Variants in BNC2 observed in about 807,000 individuals in gnomAD.
The protein encoded by BNC2 is basonuclin zinc finger protein 2.
Under a neutral mutation model 76.3 loss-of-function variants are expected in BNC2, and 20 were observed. The ratio of observed to expected loss-of-function variants is 0.26; its 90% confidence interval spans 0.18 to 0.38. BNC2 has a LOEUF of 0.38. Among genes scored for constraint, BNC2 ranks in the 10% least tolerant of loss-of-function variants. BNC2 has a pLI of 1.00. For missense variants in BNC2, 1,382 were observed against 1,399.8 expected (o/e 0.99, Z 0.20); for synonymous variants, 582 against 514.8 (o/e 1.13, Z -1.77).
rs1821993422 is a variant in BNC2, at chr9:16,479,227, G to GC, written c.670-41704dup. Among the ~76,000 whole-genome samples the GC allele has an allele frequency of 4.0e-5, 6 of 148,880 alleles. No homozygotes were observed. The South Asian group carries it at 1.3e-3, about 32-fold the overall frequency. Reference sequence around the variant, plus strand: ...ACTGCGCCACTGTACTCCAGCCTGGGCGACAGAACGAGACTCTGTCTCAAA... The same window carrying GC: ...ACTGCGCCACTGTACTCCAGCCTGGGCCGACAGAACGAGACTCTGTCTCAAA... On this transcript the variant is annotated intron_variant, in intron 5 of 6. Coordinates refer to ENST00000380672, the MANE Select transcript of BNC2 (RefSeq NM_017637.6).
chr9:16,650,635 T>C (rs1454559453), intron 3 of BNC2, among the ~76,000 whole-genome samples: 1 of 152,182 alleles, frequency 6.6e-6, no homozygotes, highest in Admixed American at 6.5e-5. Context: ...GTCTGACTTC[T>C]ATAAATATGT....
intron 3 of BNC2, among the ~76,000 whole-genome samples, chr9:16,590,028 G>C (rs942815125): frequency 1.3e-5 from 2 of 152,050 alleles, no homozygotes; most frequent in African/African-American, 4.8e-5. Flanking sequence ...GGAGGCTGAG[G>C]CAGGAGGATG....
intron 5 of BNC2, among the ~76,000 whole-genome samples, chr9:16,467,844 AT>A (rs1491439564): frequency 1.4e-5 from 2 of 143,904 alleles, no homozygotes; most frequent in African/African-American, 2.9e-5. Context: ...AAAAAAAAAA[AT>A]TAAAAAAAAA....
chr9:16,827,968 T>C (rs1247772410), intron 1 of BNC2, among the ~76,000 whole-genome samples: 2 of 152,232 alleles, frequency 1.3e-5, no homozygotes, highest in African/African-American at 2.4e-5. Flanking sequence ...CAGTGCTTTA[T>C]AGAATTACCT....
intron 1 of BNC2, among the ~76,000 whole-genome samples, chr9:16,864,720 G>A (rs187527828): frequency 1.6e-4 from 24 of 152,288 alleles, no homozygotes; most frequent in Non-Finnish European, 3.4e-4. Context: ...CAGCATGCAC[G>A]ACAATAGTCT....
intron 6 of BNC2, chr9:16,434,747 A>G (rs1820969470): frequency 2.3e-6 from 1 of 438,084 alleles, no homozygotes; most frequent in Non-Finnish European, 4.6e-6. Flanking sequence ...CTGCAACTAC[A>G]TAGCAAGAGT....
At chr9:16,788,172 A>C (rs888332088) in intron 1 of BNC2, among the ~76,000 whole-genome samples, 5 of 152,130 alleles carry the variant, frequency 3.3e-5, no homozygotes, top group African/African-American at 1.2e-4. Context: ...AGCAAACCAT[A>C]GCTATCTCCG....
chr9:16,601,024 C>G (rs1231145849), intron 3 of BNC2, among the ~76,000 whole-genome samples: 1 of 152,120 alleles, frequency 6.6e-6, no homozygotes, highest in African/African-American at 2.4e-5. Context: ...TTGGAAGGGG[C>G]AAGAGGAGTC....
chr9:16,443,739 A>G (rs1359420714), intron 5 of BNC2, among the ~76,000 whole-genome samples: 1 of 152,174 alleles, frequency 6.6e-6, no homozygotes, highest in Non-Finnish European at 1.5e-5. Context: ...AAGACGTTAG[A>G]CCCAAAGACA....
intron 1 of BNC2, among the ~76,000 whole-genome samples, chr9:16,857,480 TA>T (rs60082380): frequency 0.49 from 37,760 of 77,246 alleles, 5,598 homozygotes; most frequent in Non-Finnish European, 0.55. Context: ...CTGTCTCAAA[TA>T]AAAAAAAAAA....
chr9:16,672,240 G>T (rs1268028381), intron 3 of BNC2, among the ~76,000 whole-genome samples: 1 of 152,240 alleles, frequency 6.6e-6, no homozygotes, highest in Non-Finnish European at 1.5e-5. Flanking sequence ...GCTCATGCCT[G>T]TAATCCCAGC....
intron 3 of BNC2, among the ~76,000 whole-genome samples, chr9:16,606,251 T>C (rs1820380527): frequency 6.6e-6 from 1 of 152,128 alleles, no homozygotes; most frequent in Admixed American, 6.5e-5. Flanking sequence ...AAAAATATTT[T>C]TTAAAGGATT....
intron 4 of BNC2, among the ~76,000 whole-genome samples, chr9:16,578,369 TA>T (rs576955881): frequency 1.7e-3 from 256 of 152,274 alleles, no homozygotes; most frequent in Non-Finnish European, 2.6e-3. Context: ...TTGCAAATAT[TA>T]AACAATAAAA....
intron 3 of BNC2, among the ~76,000 whole-genome samples, chr9:16,663,017 T>C (rs1450093734): frequency 1.3e-5 from 2 of 152,122 alleles, no homozygotes; most frequent in Non-Finnish European, 2.9e-5. Flanking sequence ...CCCTTTCTGA[T>C]TATCTCATCT....
At chr9:16,663,477 G>C (rs1260099183) in intron 3 of BNC2, among the ~76,000 whole-genome samples, 1 of 152,018 alleles carries the variant, frequency 6.6e-6, no homozygotes, top group Non-Finnish European at 1.5e-5. Flanking sequence ...AATTTACCAA[G>C]AAGGTTATGT....
chr9:16,525,562 A>G (rs1169108485), intron 5 of BNC2, among the ~76,000 whole-genome samples: 2 of 152,226 alleles, frequency 1.3e-5, no homozygotes, highest in African/African-American at 2.4e-5. Context: ...ATCCCCTATC[A>G]ACAACCAGAA....
In BNC2 at chr9:16,437,432, G is replaced by A. The variant is rs773402358; in HGVS notation, c.762C>T (p.Thr254=). The change falls in exon 6 of 7, where the codon ACC becomes ACT. Residue 254 remains threonine (T), a synonymous_variant. Coordinates refer to ENST00000380672, the MANE Select transcript of BNC2 (RefSeq NM_017637.6). ...TTGCCATCAGCTCCACAATGGATTTGGTTTCTCCAAACCGCAGAAACTGCT... is the reference window on the plus strand; with the variant it reads ...TTGCCATCAGCTCCACAATGGATTTAGTTTCTCCAAACCGCAGAAACTGCT... The part of the protein sequence containing the change: ...TLQQFLRFGE[T]KSIVELMAIQ... The A allele has an allele frequency of 3.7e-6, 6 of 1,612,348 alleles. No homozygotes were observed. Among genetic ancestry groups the A allele is most frequent in the African/African-American group, 2.7e-5 (2 of 74,916 alleles).
intron 2 of BNC2, among the ~76,000 whole-genome samples, chr9:16,735,715 G>C (rs1824646982): frequency 6.6e-6 from 1 of 151,804 alleles, no homozygotes; most frequent in African/African-American, 2.4e-5. Flanking sequence ...GACCAGGCCA[G>C]GCTGGTCTTG....
chr9:16,457,309 G>C (rs1017266784), intron 5 of BNC2, among the ~76,000 whole-genome samples: 1 of 152,050 alleles, frequency 6.6e-6, no homozygotes, highest in Non-Finnish European at 1.5e-5. Context: ...GTTTTGGGGG[G>C]ACTAACTTAC....
Sources: allele counts gnomAD v4.1 joint callset (sites outside exome capture counted in the v4.1 genomes callset), GRCh38; gene constraint gnomAD v4.1.1; transcripts MANE v1.5; gene names NCBI Gene and HGNC (gene_info 2026-07-23, HGNC 2026-07-21).